PRLR: variants seen among roughly 807,000 people sequenced by gnomAD.
The protein encoded by PRLR is prolactin receptor.
Under a neutral mutation model 40.2 loss-of-function variants are expected in PRLR, and 13 were observed. The observed-to-expected ratio is 0.32, with a 90% CI of 0.21 to 0.51. PRLR has a LOEUF of 0.51. Ranked by LOEUF, PRLR falls within the 20% of genes least tolerant of loss-of-function variation. The pLI, the probability that PRLR is intolerant of heterozygous loss-of-function variation, is 0.97. For missense variants in PRLR, 656 were observed against 747.3 expected, an observed-to-expected ratio of 0.88 and a Z score of 1.42; for synonymous variants, 269 against 278.7, an observed-to-expected ratio of 0.97 and a Z score of 0.35.
intron 1 of PRLR, among the ~76,000 whole-genome samples, chr5:35,153,959 C>A (rs1035896926): frequency 6.6e-6 from 1 of 152,160 alleles, no homozygotes; most frequent in Non-Finnish European, 1.5e-5. Context: ...CCAGAAAGAG[C>A]CCACTGGACA....
chr5:35,066,632 C>T (rs1289424586), intron 9 of PRLR, among the ~76,000 whole-genome samples: 2 of 151,660 alleles, frequency 1.3e-5, no homozygotes, highest in Non-Finnish European at 2.9e-5. Flanking sequence ...TACTCTACTT[C>T]CTCTCCCTCC....
intron 8 of PRLR, 87 bp downstream of exon 8, chr5:35,068,692 C>T (rs1769535218): frequency 9.5e-7 from 1 of 1,053,232 alleles, no homozygotes; most frequent in East Asian, 2.4e-5. Flanking sequence ...GGATTATCTA[C>T]AGGTTTCCAT....
At chr5:35,103,057 T>G (rs1771999619) in intron 2 of PRLR, among the ~76,000 whole-genome samples, 1 of 152,188 alleles carries the variant, frequency 6.6e-6, no homozygotes. Flanking sequence ...TTCTGAGTGA[T>G]GACTGAAGGA....
intron 5 of PRLR, among the ~76,000 whole-genome samples, chr5:35,073,726 C>T (rs1041051381): frequency 2.6e-5 from 4 of 152,036 alleles, no homozygotes; most frequent in Admixed American, 6.6e-5. Context: ...ATTAGGCTGA[C>T]GTGAGTGAAG....
chr5:35,138,521 A>G (rs532502785), intron 1 of PRLR, among the ~76,000 whole-genome samples: 3 of 152,244 alleles, frequency 2.0e-5, no homozygotes, highest in Non-Finnish European at 4.4e-5. Flanking sequence ...ATGCTTCAAA[A>G]TGATGCACAT....
chr5:35,127,165 C>G (rs1225408344), intron 1 of PRLR, among the ~76,000 whole-genome samples: 4 of 152,188 alleles, frequency 2.6e-5, no homozygotes, highest in Non-Finnish European at 5.9e-5. Flanking sequence ...TGCCAACAGA[C>G]AGGACCACGT....
intron 1 of PRLR, among the ~76,000 whole-genome samples, chr5:35,183,124 G>T (rs79823771): frequency 6.6e-6 from 1 of 152,144 alleles, no homozygotes; most frequent in Non-Finnish European, 1.5e-5. Context: ...CATCAAATGC[G>T]GAGTAGGCAC....
chr5:35,072,463 T>G (rs1769809033), intron 6 of PRLR, 112 bp downstream of exon 6: 1 of 1,266,434 alleles, frequency 7.9e-7, no homozygotes. Flanking sequence ...ACAACTGCAT[T>G]GGAGGCCAAC....
At chr5:35,216,586 G>A (rs545226158) in intron 1 of PRLR, among the ~76,000 whole-genome samples, 6 of 152,286 alleles carry the variant, frequency 3.9e-5, no homozygotes, top group Non-Finnish European at 8.8e-5. Flanking sequence ...GGTCATTAGT[G>A]TGTGATGACC....
In PRLR at chr5:35,049,076, T is replaced by G. The variant is rs1226505490; in HGVS notation, c.*211A>C. 4.5e-6 allele frequency: 3 copies of G among 667,968 alleles called. No individual in the cohort carries two copies. In the Admixed American group the frequency reaches 6.1e-5, roughly 14 times the overall value. The allele number at this position is 667,968 out of a possible 1,614,324, so 41.4% of individuals were successfully genotyped here. A position where few individuals can be genotyped will look rare whatever the true frequency, so the allele number is the denominator to read the frequency against. On this transcript the variant is annotated 3_prime_UTR_variant, in exon 9 of 9. Transcript: ENST00000231423. ...ATGTTACATTCAATATAATTGTCCC[T>G]TTTTGTGTGGGTTTCCAGCTCCCAG...
At chr5:35,053,526 G>C (rs1435049529), downstream of PRLR, among the ~76,000 whole-genome samples, 2 of 152,146 alleles carry the variant, frequency 1.3e-5, no homozygotes, top group South Asian at 4.1e-4. Flanking sequence ...GGTGGTGTGG[G>C]CCTGTAATCC....
intron 1 of PRLR, among the ~76,000 whole-genome samples, chr5:35,171,594 G>A (rs956337691): frequency 1.3e-5 from 2 of 152,182 alleles, no homozygotes; most frequent in African/African-American, 4.8e-5. Context: ...ATTTTAATGG[G>A]GTCCAGGACA....
At chr5:35,178,949 C>A (rs1463119654) in intron 1 of PRLR, among the ~76,000 whole-genome samples, 3 of 152,170 alleles carry the variant, frequency 2.0e-5, no homozygotes, top group Non-Finnish European at 4.4e-5. Flanking sequence ...GAATGGACAT[C>A]TCCTCATGAT....
Position 35,125,964 on chromosome 5 carries a change from AAGC to A in PRLR, c.-105-7845_-105-7843del, listed in dbSNP as rs1773447302. On this transcript the variant is annotated intron_variant, in intron 1 of 9. Transcript: ENST00000618457. ...GGCAACACAGCAAATGACCCTTACG[AAGC>A]AGCAAATTAGTAGCATGTGTCAAGG... 3.3e-5 allele frequency among the ~76,000 whole-genome samples: 5 copies of A among 152,276 alleles called. No individual in the cohort carries two copies. The South Asian group carries it at 1.0e-3, about 32-fold the overall frequency.
At chr5:35,151,834 A>G (rs1334815517) in intron 1 of PRLR, among the ~76,000 whole-genome samples, 1 of 152,172 alleles carries the variant, frequency 6.6e-6, no homozygotes, top group African/African-American at 2.4e-5. Flanking sequence ...ACATTACACA[A>G]CAGACATAAG....
chr5:35,102,696 CCA>C (rs1192160662), intron 2 of PRLR, among the ~76,000 whole-genome samples: 2 of 152,068 alleles, frequency 1.3e-5, no homozygotes, highest in Non-Finnish European at 2.9e-5. Flanking sequence ...GCACACACTA[CCA>C]TGCTCAGCTA....
intron 1 of PRLR, among the ~76,000 whole-genome samples, chr5:35,227,407 T>C (rs1561375142): frequency 6.6e-6 from 1 of 151,952 alleles, no homozygotes; most frequent in Non-Finnish European, 1.5e-5. Context: ...GGGTGTGGGG[T>C]TGGGGGGTGT....
intron 1 of PRLR, among the ~76,000 whole-genome samples, chr5:35,161,040 T>C (rs770492848): frequency 1.3e-5 from 2 of 152,266 alleles, no homozygotes; most frequent in Non-Finnish European, 2.9e-5. Flanking sequence ...TTACATTTTA[T>C]AGAGGCCATT....
chr5:35,084,602 C>T lies in PRLR; in HGVS notation c.241G>A (p.Gly81Ser), dbSNP rs143138849. ...LMHECPDYIT[G>S]GPNSCHFGKQ... ...CCAAAGTGGCAGGAGTTGGGGCCAC[C>T]GGTTATGTAGTCTGGACATTCATGC... Residue 81 changes from glycine to serine, a missense_variant, in exon 5 of 10, where the codon GGT becomes AGT. By Grantham distance (56) the Gly-to-Ser change is moderately conservative. Transcript: ENST00000618457. 1.9e-4 allele frequency: 309 copies of T among 1,610,064 alleles called. No homozygotes were observed. Among genetic ancestry groups the T allele is most frequent in the Non-Finnish European group, 2.4e-4 (286 of 1,178,488 alleles).
Sources: allele counts gnomAD v4.1 joint callset (sites outside exome capture counted in the v4.1 genomes callset), GRCh38; gene constraint gnomAD v4.1.1; transcripts MANE v1.5; gene names NCBI Gene and HGNC (gene_info 2026-07-23, HGNC 2026-07-21).